The following TRAPPC10 variants were observed in gnomAD, a reference collection of about 807,000 sequenced individuals.
The protein encoded by TRAPPC10 is trafficking protein particle complex subunit 10.
In TRAPPC10, 23 loss-of-function variants were observed where a neutral mutation model predicts 125.5. The observed-to-expected ratio is 0.18, with a 90% confidence interval of 0.13 to 0.26. The LOEUF (loss-of-function observed/expected upper bound fraction) is 0.26. Ranked by LOEUF, TRAPPC10 falls within the 10% of genes least tolerant of loss-of-function variation. The probability of loss-of-function intolerance (pLI) is 1.00; values close to 1 mark genes in which losing one functional copy is unlikely to be tolerated. For synonymous variants in TRAPPC10, 509 were observed against 518.0 expected (o/e 0.98, Z 0.24); for missense variants, 1,123 against 1,308.4 (o/e 0.86, Z 2.19).
rs906547720 is a variant in TRAPPC10, at chr21:44,082,510, T to C, written c.1724-278T>C. 2.6e-5 allele frequency among the ~76,000 whole-genome samples: 4 copies of C among 152,260 alleles called. No homozygotes were observed. The highest frequency in any genetic ancestry group is 9.6e-5 in the African/African-American group (4 of 41,472). On this transcript the variant is annotated intron_variant, in intron 13 of 22. Transcript: ENST00000291574. The surrounding 1 kb of genome is among the most constrained non-coding windows in gnomAD (Gnocchi z 4.4). ...GTTTGAAATTGAGAGGTAGTTGACC[T>C]GTATTTCTCTTAGGTTTGTCAAAGC...
At position 44,055,929 on chromosome 21, in the gene TRAPPC10, T is replaced by G. The variant is rs1407771597; in HGVS notation, c.678+36T>G. 9 of 1,486,064 alleles carry G rather than the reference T, an allele frequency of 6.1e-6. No individual in the cohort carries two copies. The East Asian group carries it at 2.1e-4, about 34-fold the overall frequency. The allele number at this position is 1,486,064 out of a possible 1,614,324, so 92.1% of individuals were successfully genotyped here. A position where few individuals can be genotyped will look rare whatever the true frequency, so the allele number is the denominator to read the frequency against. ...CATTACAGAACTAGACAGTTCCTTC[T>G]CTCCTTCCCTCCTTTGTTCCCTCCC... On this transcript the variant is annotated intron_variant, in intron 5 of 22. Transcript: ENST00000291574.
intron 4 of TRAPPC10, among the ~76,000 whole-genome samples, chr21:44,053,214 T>C (rs1406354767): frequency 1.3e-5 from 2 of 152,170 alleles, no homozygotes; most frequent in Non-Finnish European, 2.9e-5. Flanking sequence ...ATTGTAGAAT[T>C]ATTAGAAAAA....
intron 10 of TRAPPC10, 110 bp from the exon 11 acceptor site, chr21:44,077,583 T>C (rs1601773351): frequency 1.2e-6 from 1 of 853,526 alleles, no homozygotes; most frequent in Admixed American, 2.4e-5. Context: ...AGACTCTGTC[T>C]CAAAACAAAA....
At chr21:44,065,990 C>T (rs575559089) in intron 7 of TRAPPC10, among the ~76,000 whole-genome samples, 2 of 152,060 alleles carry the variant, frequency 1.3e-5, no homozygotes, top group Admixed American at 6.6e-5. Context: ...CTGAGCTGCC[C>T]GTGGCTGTGT....
chr21:44,022,019 AT>A (rs1037720214), intron 1 of TRAPPC10, among the ~76,000 whole-genome samples: 48 of 146,754 alleles, frequency 3.3e-4, no homozygotes, highest in Non-Finnish European at 5.3e-4. Context: ...AGTCTATGGC[AT>A]TTTTTTTTCT....
chr21:44,081,852 C>G (rs2037769391), intron 13 of TRAPPC10, among the ~76,000 whole-genome samples: 1 of 152,118 alleles, frequency 6.6e-6, no homozygotes, highest in African/African-American at 2.4e-5. Flanking sequence ...ATACTATAGC[C>G]TGGGCGACAG....
intron 13 of TRAPPC10, among the ~76,000 whole-genome samples, chr21:44,080,561 A>T (rs1041568140): frequency 2.0e-5 from 3 of 150,548 alleles, no homozygotes; most frequent in African/African-American, 7.4e-5. Context: ...TTTTTGAGAC[A>T]GAGTCTCGCT....
At chr21:44,080,506 GT>G (rs1431140306) in intron 13 of TRAPPC10, among the ~76,000 whole-genome samples, 1 of 151,090 alleles carries the variant, frequency 6.6e-6, no homozygotes, top group Non-Finnish European at 1.5e-5. Flanking sequence ...CTCTTTTAAT[GT>G]AAAAAAAGTT....
intron 18 of TRAPPC10, among the ~76,000 whole-genome samples, chr21:44,090,813 C>CT (rs1439526551): frequency 6.6e-6 from 1 of 152,222 alleles, no homozygotes; most frequent in African/African-American, 2.4e-5. Flanking sequence ...ATACTAGCAG[C>CT]TTTTTTCCCC....
At position 44,012,413 on chromosome 21, in the gene TRAPPC10, G is replaced by C. The variant is rs951643131; in HGVS notation, c.-81G>C. ...CGGCCGGGCGGGCGGCGCCGCTCAG[G>C]CTCGGGCTCCGGCTGGGCCCGGCGC... is the stretch of plus-strand genomic sequence containing the variant. On this transcript the variant is annotated 5_prime_UTR_variant, in exon 1 of 23. Coordinates refer to ENST00000291574, the MANE Select transcript of TRAPPC10 (RefSeq NM_003274.5). 8.4e-5 allele frequency: 77 copies of C among 917,542 alleles called. No homozygotes were observed. The highest frequency in any genetic ancestry group is 9.8e-5 in the Non-Finnish European group (74 of 753,196). 56.8% of individuals were successfully genotyped at this position (917,542 alleles called of 1,614,324 possible).
intron 3 of TRAPPC10, among the ~76,000 whole-genome samples, chr21:44,045,713 A>G (rs1028870314): frequency 6.6e-6 from 1 of 151,820 alleles, no homozygotes; most frequent in African/African-American, 2.4e-5. Context: ...CACCATGCCC[A>G]GCTAATTTTT....
intron 3 of TRAPPC10, among the ~76,000 whole-genome samples, chr21:44,049,353 G>C (rs1484773057): frequency 6.6e-6 from 1 of 152,146 alleles, no homozygotes; most frequent in Admixed American, 6.5e-5. Flanking sequence ...GTTCTCCTCT[G>C]TGTTTCTGAT....
At chr21:44,092,086 C>T in intron 19 of TRAPPC10, 37 bp downstream of exon 19, 7 of 1,608,596 alleles carry the variant, frequency 4.4e-6, no homozygotes, top group Non-Finnish European at 5.9e-6. Context: ...AACTTCTCAA[C>T]AGAGAACCAG....
In TRAPPC10 at chr21:44,078,424, G is replaced by A. The variant is rs182280767; in HGVS notation, c.1469+640G>A. On this transcript the variant is annotated intron_variant, in intron 11 of 22. Transcript: ENST00000291574. ...AGATACAAGCTATAAGGAAAAAGAT[G>A]CTTGTTTTCATTTTCTAAAAAAAAA... Among the ~76,000 whole-genome samples the A allele has an allele frequency of 7.9e-4, 113 of 143,240 alleles. 1 individual carries two copies. Among genetic ancestry groups the A allele is most frequent in the Non-Finnish European group, 4.5e-5 (3 of 66,746 alleles). 94.0% of individuals were successfully genotyped at this position (143,240 alleles called of 152,430 possible). A position where few individuals can be genotyped will look rare whatever the true frequency, so the allele number is the denominator to read the frequency against.
At position 44,059,492 on chromosome 21, in the gene TRAPPC10, T is replaced by C; in HGVS notation, c.790+278T>C. ...ATAAAATGTCCTTTCCACAACTCAGTGGCCTGCTGGTGATGCTTCGATTCT... is the reference window on the plus strand; with the variant it reads ...ATAAAATGTCCTTTCCACAACTCAGCGGCCTGCTGGTGATGCTTCGATTCT... On this transcript the variant is annotated intron_variant, in intron 6 of 22. Coordinates refer to ENST00000291574, the MANE Select transcript of TRAPPC10 (RefSeq NM_003274.5). This position sits in a 1 kb window ranked among gnomAD's most constrained non-coding sequence, Gnocchi z 4.4. The C allele has an allele frequency of 4.0e-6, 3 of 756,736 alleles. No individual in the cohort carries two copies. The highest frequency in any genetic ancestry group is 1.4e-5 in the South Asian group (1 of 70,574). The allele number at this position is 756,736 out of a possible 1,614,324, so 46.9% of individuals were successfully genotyped here.
rs373096378 is a variant in TRAPPC10 at position 44,059,097 on chromosome 21, G to A, written c.679-6G>A. On this transcript the variant is annotated splice_region_variant and splice_polypyrimidine_tract_variant and intron_variant, in intron 5 of 22. Transcript: ENST00000291574. This position sits in a 1 kb window ranked among gnomAD's most constrained non-coding sequence, Gnocchi z 4.4. ...TTTTTTTAAAAAACGTATCTTGGGC[G>A]AATAGGAGGAGCTTGCCTTTGTTTT... The A allele has an allele frequency of 1.5e-5, 24 of 1,579,526 alleles. No homozygotes were observed. The highest frequency in any genetic ancestry group is 7.0e-5 in the South Asian group (6 of 85,868).
intron 6 of TRAPPC10, among the ~76,000 whole-genome samples, chr21:44,060,683 C>T (rs28834388): frequency 0.086 from 13,130 of 151,888 alleles, 1,295 homozygotes; most frequent in African/African-American, 0.24. Context: ...CCACTGCAAC[C>T]TCTGCCTCCA....
chr21:44,071,839 G>A (rs569879373), intron 7 of TRAPPC10, among the ~76,000 whole-genome samples: 1 of 152,312 alleles, frequency 6.6e-6, no homozygotes, highest in Admixed American at 6.5e-5. Context: ...TTTGCACTTT[G>A]GGAGGTGTGA....
At position 44,040,911 on chromosome 21, in the gene TRAPPC10, C is replaced by T. The variant is rs188866383; in HGVS notation, c.285+2984C>T. ...GACTACAGGTGTGAGCCACTGCGCCCGGCCGCCATAGTTCAATATTGAACT... is the reference window on the plus strand; with the variant it reads ...GACTACAGGTGTGAGCCACTGCGCCTGGCCGCCATAGTTCAATATTGAACT... On this transcript the variant is annotated intron_variant, in intron 3 of 22. Transcript: ENST00000291574. Among the ~76,000 whole-genome samples the T allele has an allele frequency of 8.5e-5, 13 of 152,154 alleles. No individual in the cohort carries two copies. The East Asian group carries it at 1.9e-3, about 23-fold the overall frequency.
Sources: gnomAD v4.1 joint callset for allele counts (sites outside exome capture counted in the v4.1 genomes callset) on GRCh38, gnomAD v4.1.1 for gene constraint, Gnocchi (gnomAD v3.1) non-coding constraint, MANE v1.5 for transcripts, NCBI Gene and HGNC (gene_info 2026-07-23, HGNC 2026-07-21) for gene names.